Variants in SIRT6 observed in about 807,000 individuals in gnomAD.
The protein encoded by SIRT6 is NAD-dependent protein deacylase sirtuin-6.
Under a neutral mutation model 33.6 loss-of-function variants are expected in SIRT6, and 21 were observed. The ratio of observed to expected loss-of-function variants is 0.62; its 90% CI spans 0.44 to 0.90. The LOEUF (loss-of-function observed/expected upper bound fraction) is 0.90, where lower values mean the gene tolerates loss of function less well. SIRT6 is among the 40% of genes least tolerant of loss of function. The pLI is 0.00. For missense variants in SIRT6, 504 were observed against 510.6 expected, an observed-to-expected ratio of 0.99 and a Z score of 0.12; for synonymous variants, 221 against 223.9, an observed-to-expected ratio of 0.99 and a Z score of 0.12.
At chr19:4,178,726 G>A (rs773265835) in intron 3 of SIRT6, among the ~76,000 whole-genome samples, 6 of 152,150 alleles carry the variant, frequency 3.9e-5, no homozygotes, top group Non-Finnish European at 5.9e-5. Flanking sequence ...GCGCATGCCT[G>A]TAATCCCAGT....
At chr19:4,181,883 C>T (rs1967697898) in intron 1 of SIRT6, among the ~76,000 whole-genome samples, 1 of 152,290 alleles carries the variant, frequency 6.6e-6, no homozygotes, top group East Asian at 1.9e-4. Context: ...TCATTAAATG[C>T]ATGAGTCAGA....
chr19:4,182,025 T>C (rs1385044603), intron 1 of SIRT6, among the ~76,000 whole-genome samples: 2 of 152,016 alleles, frequency 1.3e-5, no homozygotes, highest in African/African-American at 4.8e-5. Flanking sequence ...ATCCCTCCAC[T>C]TCCCCTCTGA....
chr19:4,179,232 G>T lies in SIRT6; in HGVS notation c.249C>A (p.Asp83Glu), dbSNP rs201206776. Residue 83 changes from aspartate to glutamate, a missense_variant, in exon 3 of 8, where the codon GAC becomes GAA. Transcript: ENST00000337491. ...MEERGLAPKF[D>E]TTFESARPTQ... ...TGGGCCGCGCGCTCTCAAAGGTGGT[G>T]TCGAACTTGGGGGCCAGACCTCGCT... 1 of 1,610,180 alleles carries T rather than the reference G, an allele frequency of 6.2e-7. No individual in the cohort carries two copies. Among genetic ancestry groups the T allele is most frequent in the African/African-American group, 1.3e-5 (1 of 74,926 alleles).
Position 4,180,714 on chromosome 19 carries a change from G to A in SIRT6, c.194+68C>T, listed in dbSNP as rs1967577565. The A allele has an allele frequency of 3.2e-6, 5 of 1,546,860 alleles. No homozygotes were observed. The East Asian group carries it at 6.8e-5, about 21-fold the overall frequency. On this transcript the variant is annotated intron_variant, in intron 2 of 7. Coordinates refer to ENST00000337491, the MANE Select transcript of SIRT6 (RefSeq NM_016539.4). ...GATGTGTTCTCATTCCCAGATGTGT[G>A]TGGCTCGCAGGGAAGCCTCTGGCAG...
rs561394908 is a variant in SIRT6, at chr19:4,175,277, C to T, written c.615-126G>A. The T allele has an allele frequency of 1.1e-5, 15 of 1,314,812 alleles. No homozygotes were observed. The South Asian group carries it at 2.2e-4, about 20-fold the overall frequency. 81.4% of individuals were successfully genotyped at this position (1,314,812 alleles called of 1,614,324 possible). A position where few individuals can be genotyped will look rare whatever the true frequency, so the allele number is the denominator to read the frequency against. On this transcript the variant is annotated intron_variant, in intron 6 of 7. Coordinates refer to ENST00000337491, the MANE Select transcript of SIRT6 (RefSeq NM_016539.4). ...GGGGCGGTCAAGGCCAGCCCCACTC[C>T]CGAGTCAGCCTTTGGGATCCCGCCC...
chr19:4,175,666 G>A lies in SIRT6; in HGVS notation c.614+14C>T. 6.6e-7 allele frequency: 1 copy of A among 1,507,966 alleles called. No individual in the cohort carries two copies. Among genetic ancestry groups the A allele is most frequent in the Non-Finnish European group, 8.9e-7 (1 of 1,127,508 alleles). 93.4% of individuals were successfully genotyped at this position (1,507,966 alleles called of 1,614,324 possible). ...CCGCCCCACCATGGGCTCCCTGGGG[G>A]TGGGGGGTCAGACCTGCTGGCCTCA... On this transcript the variant is annotated intron_variant, in intron 6 of 7. Coordinates refer to ENST00000337491, the MANE Select transcript of SIRT6 (RefSeq NM_016539.4).
At chr19:4,176,045 G>GA in intron 4 of SIRT6, 108 bp from the exon 5 acceptor site, 1 of 910,892 alleles carries the variant, frequency 1.1e-6, no homozygotes. Flanking sequence ...GTGGACAGGT[G>GA]ACCAGAACTA....
rs1461758931 is a variant in SIRT6 at position 4,174,690 on chromosome 19, T to G, written c.995A>C (p.Lys332Thr). ...GGCAGGGCTGGTGGGCCGCTCCCGTTTGGGGCTGGCGGGCTCTGAGCCGTT... is the reference window on the plus strand; with the variant it reads ...GGCAGGGCTGGTGGGCCGCTCCCGTGTGGGGCTGGCGGGCTCTGAGCCGTT... ...QHNGSEPASP[K>T]RERPTSPAPH... The change falls in exon 8 of 8, where the codon AAA becomes ACA. Residue 332 changes from lysine (K) to threonine (T), a missense_variant. Transcript: ENST00000337491. This position sits in a 1 kb window ranked among gnomAD's most constrained non-coding sequence, Gnocchi z 4.2. The G allele has an allele frequency of 2.7e-6, 4 of 1,461,934 alleles. No individual in the cohort carries two copies. The African/African-American group carries it at 4.3e-5, about 16-fold the overall frequency. The allele number at this position is 1,461,934 out of a possible 1,614,324, so 90.6% of individuals were successfully genotyped here.
rs1967593747 is a variant in SIRT6, at chr19:4,180,828, G to A, written c.148C>T (p.His50Tyr). 1 of 1,613,676 alleles carries A rather than the reference G, an allele frequency of 6.2e-7. No individual in the cohort carries two copies. The highest frequency in any genetic ancestry group is 8.5e-7 in the Non-Finnish European group (1 of 1,179,872). Residue 50 changes from histidine to tyrosine, a missense_variant, in exon 2 of 8, where the codon CAC (histidine) becomes TAC (tyrosine). His to Tyr is a moderately conservative substitution (Grantham distance 83). Transcript: ENST00000337491. ...LVWQSSSVVF[H>Y]TGAGISTASG... Reference sequence around the variant, plus strand: ...GCAGTGCTGATGCCGGCACCCGTGTGGAACACCACACTGGAAGACTGCCAG... The same window carrying A: ...GCAGTGCTGATGCCGGCACCCGTGTAGAACACCACACTGGAAGACTGCCAG...
At position 4,179,029 on chromosome 19, in the gene SIRT6, G is replaced by C. The variant is rs914735235; in HGVS notation, c.377+75C>G. 1.8e-5 allele frequency: 28 copies of C among 1,533,630 alleles called. No individual in the cohort carries two copies. In the Middle Eastern group the frequency reaches 9.2e-4, roughly 51 times the overall value. Reference sequence around the variant, plus strand: ...GAATCTTATAGAACCAGGAAAAGGGGACTCTCCCCCTAAAAATGCAAACAC... The same window carrying C: ...GAATCTTATAGAACCAGGAAAAGGGCACTCTCCCCCTAAAAATGCAAACAC... On this transcript the variant is annotated intron_variant, in intron 3 of 7. Coordinates refer to ENST00000337491, the MANE Select transcript of SIRT6 (RefSeq NM_016539.4).
rs200977816 is a variant in SIRT6, at chr19:4,180,895, C to T, written c.81G>A (p.Pro27=). The change falls in exon 2 of 8, where the codon CCG becomes CCA. Residue 27 remains proline (P), a synonymous_variant. Coordinates refer to ENST00000337491, the MANE Select transcript of SIRT6 (RefSeq NM_016539.4). ...KCGLPEIFDP[P]EELERKVWEL... is the part of the protein sequence containing the mutation. Reference sequence around the variant, plus strand: ...CCCACACCTTCCGCTCCAGCTCCTCCGGGGGGTCGAAGATCTGTGGGGGGA... The same window carrying T: ...CCCACACCTTCCGCTCCAGCTCCTCTGGGGGGTCGAAGATCTGTGGGGGGA... The T allele has an allele frequency of 2.0e-5, 32 of 1,611,800 alleles. No individual in the cohort carries two copies. In the South Asian group the frequency reaches 2.6e-4, roughly 13 times the overall value.
At position 4,175,844 on chromosome 19, in the gene SIRT6, G is replaced by A; in HGVS notation, c.531C>T (p.Cys177=). Residue 177 remains cysteine, a splice_region_variant and synonymous_variant, in exon 5 of 8, where the codon TGC becomes TGT. Coordinates refer to ENST00000337491, the MANE Select transcript of SIRT6 (RefSeq NM_016539.4). ...GGGCATGGGTGGGGGTGGCTCACCT[G>A]CAGGCTCGCAGCCCCCTTGCCTTAG... is the stretch of plus-strand genomic sequence containing the variant. ...TVAKARGLRA[C]RGELRDTILD... 1 of 1,557,780 alleles carries A rather than the reference G, an allele frequency of 6.4e-7. No homozygotes were observed.
At chr19:4,176,696 C>T (rs1369957730) in intron 4 of SIRT6, among the ~76,000 whole-genome samples, 2 of 152,176 alleles carry the variant, frequency 1.3e-5, no homozygotes, top group Non-Finnish European at 2.9e-5. Flanking sequence ...AAAAATCCTC[C>T]CCTACAGGTT....
In SIRT6 at chr19:4,179,118, G is replaced by A; in HGVS notation, c.363C>T (p.Arg121=). 1.2e-6 allele frequency: 2 copies of A among 1,612,198 alleles called. No homozygotes were observed. The highest frequency in any genetic ancestry group is 1.1e-5 in the South Asian group (1 of 90,768). The change falls in exon 3 of 8, where the codon CGC becomes CGT. Residue 121 remains arginine, a synonymous_variant. Coordinates refer to ENST00000337491, the MANE Select transcript of SIRT6 (RefSeq NM_016539.4). ...CAGGGTGTTACCTGGGGAAGCCTGA[G>A]CGCACATGGAGCCCGTCCACGTTCT... is the stretch of plus-strand genomic sequence containing the variant. ...VSQNVDGLHV[R]SGFPRDKLAE...
chr19:4,179,038 C>T, intron 3 of SIRT6, 66 bp downstream of exon 3: 1 of 1,568,482 alleles, frequency 6.4e-7, no homozygotes. Context: ...GGACTCTCCC[C>T]CTAAAAATGC....
chr19:4,181,648 G>T (rs553941150), intron 1 of SIRT6, among the ~76,000 whole-genome samples: 2 of 152,126 alleles, frequency 1.3e-5, no homozygotes, highest in Non-Finnish European at 2.9e-5. Context: ...TTAGCCAGGC[G>T]TGGTGGCAGG....
chr19:4,180,083 C>G (rs1967532685), intron 2 of SIRT6, among the ~76,000 whole-genome samples: 1 of 136,516 alleles, frequency 7.3e-6, no homozygotes, highest in Admixed American at 7.6e-5. Context: ...AGGAGAAATT[C>G]ACGCCTTGGC....
At chr19:4,182,195 G>A (rs1014979966) in intron 1 of SIRT6, 1 of 462,592 alleles carries the variant, frequency 2.2e-6, no homozygotes, top group African/African-American at 2.1e-5. Context: ...CGTTCTCCAG[G>A]TGTGTTTATT....
Position 4,174,299 on chromosome 19 carries a change from G to A in SIRT6, c.*318C>T, listed in dbSNP as rs1967146678. Reference sequence around the variant, plus strand: ...GGGGGCCCAGAAGGGAGGCCCTGGGGACAGAGGGAGTTCACTCCTGTTTAA... The same window carrying A: ...GGGGGCCCAGAAGGGAGGCCCTGGGAACAGAGGGAGTTCACTCCTGTTTAA... On this transcript the variant is annotated 3_prime_UTR_variant, in exon 8 of 8. Coordinates refer to ENST00000337491, the MANE Select transcript of SIRT6 (RefSeq NM_016539.4). This position sits in a 1 kb window ranked among gnomAD's most constrained non-coding sequence, Gnocchi z 4.2. 4.2e-6 allele frequency: 1 copy of A among 237,486 alleles called. No homozygotes were observed. Among genetic ancestry groups the A allele is most frequent in the Admixed American group, 5.4e-5 (1 of 18,656 alleles). 14.7% of individuals were successfully genotyped at this position (237,486 alleles called of 1,614,324 possible).
Sources: gnomAD v4.1 joint callset for allele counts (sites outside exome capture counted in the v4.1 genomes callset) on GRCh38, gnomAD v4.1.1 for gene constraint, Gnocchi (gnomAD v3.1) non-coding constraint, MANE v1.5 for transcripts, NCBI Gene and HGNC (gene_info 2026-07-23, HGNC 2026-07-21) for gene names.